Variants in KL observed in about 807,000 individuals in gnomAD.
The protein encoded by KL is klotho, also known as alpha-klotho.
Under a neutral mutation model 84.2 loss-of-function variants are expected in KL, and 62 were observed. That is an observed-to-expected ratio of 0.74 (90% CI 0.60 to 0.91). The LOEUF is 0.91. Ranked by LOEUF, KL falls within the 40% of genes least tolerant of loss-of-function variation. The probability of loss-of-function intolerance (pLI) is 0.00; values close to 1 mark genes in which losing one functional copy is unlikely to be tolerated. For synonymous variants in KL, 528 were observed against 528.0 expected, an observed-to-expected ratio of 1.00 and a Z score of 0.00; for missense variants, 1,261 against 1,305.7, an observed-to-expected ratio of 0.97 and a Z score of 0.53.
At position 33,061,591 on chromosome 13, in the gene KL, T is replaced by C. The variant is rs1872204103; in HGVS notation, c.2512T>C (p.Trp838Arg). 1.2e-6 allele frequency: 2 copies of C among 1,614,120 alleles called. No homozygotes were observed. Among genetic ancestry groups the C allele is most frequent in the Non-Finnish European group, 1.7e-6 (2 of 1,180,048 alleles). ...LEVQEMTDIT[W>R]LNSPSQVAVV... is the part of the protein sequence containing the mutation. ...AGTGCAAGAAATGACCGACATCACGTGGCTCAACTCCCCCAGTCAGGTGGC... is the reference window on the plus strand; with the variant it reads ...AGTGCAAGAAATGACCGACATCACGCGGCTCAACTCCCCCAGTCAGGTGGC... The change falls in exon 4 of 5, where the codon TGG becomes CGG. Residue 838 changes from tryptophan to arginine, a missense_variant. Physicochemically the swap from Trp to Arg is moderately radical, Grantham distance 101 (BLOSUM62 -3). Transcript: ENST00000380099.
rs1258454538 is a variant in KL, at chr13:33,061,178, G to A, written c.2099G>A (p.Gly700Asp). Residue 700 changes from glycine to aspartate, a missense_variant, in exon 4 of 5, where the codon GGC (glycine) becomes GAC (aspartate). Gly to Asp is a moderately conservative substitution (Grantham distance 94, BLOSUM62 -1). Coordinates refer to ENST00000380099, the MANE Select transcript of KL (RefSeq NM_004795.4). ...ACAAGGAATATGACATACAGTGCTG[G>A]CCACAACCTTCTGAAGGCCCATGCC... Reference protein sequence around the residue: ...PYTRNMTYSAGHNLLKAHALA... With the variant: ...PYTRNMTYSADHNLLKAHALA... The A allele has an allele frequency of 1.2e-6, 2 of 1,614,136 alleles. No individual in the cohort carries two copies. The highest frequency in any genetic ancestry group is 1.7e-5 in the Admixed American group (1 of 60,018).
At position 33,064,437 on chromosome 13, in the gene KL, AAC is replaced by A; in HGVS notation, c.*256_*257del. 1 of 377,978 alleles carries A rather than the reference AAC, an allele frequency of 2.6e-6. No homozygotes were observed. Among genetic ancestry groups the A allele is most frequent in the East Asian group, 4.3e-5 (1 of 23,468 alleles). 23.4% of individuals were successfully genotyped at this position (377,978 alleles called of 1,614,324 possible). On this transcript the variant is annotated 3_prime_UTR_variant, in exon 5 of 5. Transcript: ENST00000380099. The stretch of plus-strand genomic sequence containing the variant: ...AACTGACAGGCACTATAATTTCTGT[AAC>A]ACACTAACAAAAGCATGAAAAATAG...
intron 1 of KL, among the ~76,000 whole-genome samples, chr13:33,047,808 T>C (rs1400439148): frequency 6.7e-6 from 1 of 149,420 alleles, no homozygotes; most frequent in Non-Finnish European, 1.5e-5. Context: ...TTTTGGTAAT[T>C]CATTTTTCTT....
intron 1 of KL, among the ~76,000 whole-genome samples, chr13:33,050,131 T>G (rs896721315): frequency 3.3e-5 from 5 of 152,248 alleles, no homozygotes; most frequent in African/African-American, 1.2e-4. Flanking sequence ...TATTTGAATA[T>G]TAGACATTTC....
In KL at chr13:33,017,072, C is replaced by T; in HGVS notation, c.632C>T (p.Ala211Val). Residue 211 changes from alanine (A) to valine (V), a missense_variant, in exon 1 of 5, where the codon GCC becomes GTC. Ala to Val is a moderately conservative substitution (Grantham distance 64). Transcript: ENST00000380099. ...GCCTACGGCGGCTGGGCCAACCGCG[C>T]CCTGGCCGACCACTTCAGGGATTAC... ...QDAYGGWANR[A>V]LADHFRDYAE... 6.2e-7 allele frequency: 1 copy of T among 1,602,906 alleles called. No individual in the cohort carries two copies. Among genetic ancestry groups the T allele is most frequent in the Non-Finnish European group, 8.5e-7 (1 of 1,178,814 alleles).
chr13:33,019,688 G>A (rs112651950), intron 1 of KL, among the ~76,000 whole-genome samples: 2,968 of 151,502 alleles, frequency 0.02, 46 homozygotes, highest in Non-Finnish European at 0.032. Flanking sequence ...CCTCATACTG[G>A]AGTGAGCCTT....
Position 33,060,666 on chromosome 13 carries a change from C to CT in KL, c.1600-12dup. On this transcript the variant is annotated splice_polypyrimidine_tract_variant and intron_variant, in intron 3 of 4. Coordinates refer to ENST00000380099, the MANE Select transcript of KL (RefSeq NM_004795.4). Reference sequence around the variant, plus strand: ...TGCCCAGGTGACGCTAATGTTTACTCTGCCCTTCACAGGTAGATACCACTC... The same window carrying CT: ...TGCCCAGGTGACGCTAATGTTTACTCTTGCCCTTCACAGGTAGATACCACTC... The CT allele has an allele frequency of 3.1e-6, 5 of 1,614,162 alleles. No individual in the cohort carries two copies. Among genetic ancestry groups the CT allele is most frequent in the Non-Finnish European group, 4.2e-6 (5 of 1,180,008 alleles).
At chr13:33,047,062 C>T (rs1487518043) in intron 1 of KL, among the ~76,000 whole-genome samples, 1 of 152,250 alleles carries the variant, frequency 6.6e-6, no homozygotes, top group South Asian at 2.1e-4. Flanking sequence ...TCTGGTCTAA[C>T]ATATGATCTA....
intron 1 of KL, among the ~76,000 whole-genome samples, chr13:33,030,946 G>A (rs1023974707): frequency 1.3e-5 from 2 of 151,990 alleles, no homozygotes; most frequent in East Asian, 3.8e-4. Context: ...ATTTTTGAAA[G>A]GGAAAAAGAT....
At chr13:33,036,060 CA>C (rs1343155245) in intron 1 of KL, among the ~76,000 whole-genome samples, 1 of 152,120 alleles carries the variant, frequency 6.6e-6, no homozygotes, top group African/African-American at 2.4e-5. Flanking sequence ...ACATGATTTT[CA>C]AAAACTACCC....
intron 3 of KL, among the ~76,000 whole-genome samples, chr13:33,057,283 T>G (rs1240636103): frequency 6.6e-6 from 1 of 151,652 alleles, no homozygotes; most frequent in Non-Finnish European, 1.5e-5. Flanking sequence ...AGAACAAGAG[T>G]GGGGGTGTCG....
chr13:33,030,366 C>T (rs1051722674), intron 1 of KL, among the ~76,000 whole-genome samples: 2 of 152,150 alleles, frequency 1.3e-5, no homozygotes, highest in Non-Finnish European at 2.9e-5. Context: ...GTTATCTTCC[C>T]TTCCATAGTA....
chr13:33,052,690 T>G (rs1871798438), intron 1 of KL, among the ~76,000 whole-genome samples: 1 of 152,246 alleles, frequency 6.6e-6, no homozygotes, highest in Non-Finnish European at 1.5e-5. Flanking sequence ...AGAGGCTGTT[T>G]GGCTTAATGA....
intron 1 of KL, among the ~76,000 whole-genome samples, chr13:33,029,935 A>ATT (rs34181824): frequency 7.5e-5 from 11 of 145,898 alleles, no homozygotes; most frequent in Non-Finnish European, 1.5e-4. Context: ...GCCTGGCCCT[A>ATT]TTTTTTTTTT....
chr13:33,038,925 A>T (rs988188346), intron 1 of KL, among the ~76,000 whole-genome samples: 1 of 152,222 alleles, frequency 6.6e-6, no homozygotes, highest in Non-Finnish European at 1.5e-5. Context: ...GTGTTTTCTT[A>T]TTCAAAAAGC....
chr13:33,053,754 T>C lies in KL; in HGVS notation c.820-13T>C, dbSNP rs773480200. 3 of 1,614,002 alleles carry C rather than the reference T, an allele frequency of 1.9e-6. No individual in the cohort carries two copies. Among genetic ancestry groups the C allele is most frequent in the Non-Finnish European group, 2.5e-6 (3 of 1,179,856 alleles). On this transcript the variant is annotated splice_polypyrimidine_tract_variant and intron_variant, in intron 1 of 4. Coordinates refer to ENST00000380099, the MANE Select transcript of KL (RefSeq NM_004795.4). ...AACTAGAGATAAATTTGCCATGGTTTTTCTCTTCATAGGCTCATGCCAAAG... is the reference window on the plus strand; with the variant it reads ...AACTAGAGATAAATTTGCCATGGTTCTTCTCTTCATAGGCTCATGCCAAAG...
chr13:33,030,537 G>A (rs1165586342), intron 1 of KL, among the ~76,000 whole-genome samples: 1 of 152,110 alleles, frequency 6.6e-6, no homozygotes, highest in African/African-American at 2.4e-5. Context: ...GATCATAAGT[G>A]CAAATTATTT....
intron 1 of KL, among the ~76,000 whole-genome samples, chr13:33,026,546 G>A (rs1241624107): frequency 1.3e-5 from 2 of 152,138 alleles, no homozygotes. Context: ...GGCTAAGTCG[G>A]GGAACTGTAC....
At chr13:33,057,288 G>T (rs1369869264) in intron 3 of KL, among the ~76,000 whole-genome samples, 1 of 152,170 alleles carries the variant, frequency 6.6e-6, no homozygotes, top group South Asian at 2.1e-4. Context: ...AAGAGTGGGG[G>T]TGTCGGAGGG....
Sources: allele counts gnomAD v4.1 joint callset (sites outside exome capture counted in the v4.1 genomes callset), GRCh38; gene constraint gnomAD v4.1.1; transcripts MANE v1.5; gene names NCBI Gene and HGNC (gene_info 2026-07-23, HGNC 2026-07-21).